Variants in TRRAP observed in about 807,000 individuals in gnomAD.
TRRAP encodes transformation/transcription domain-associated protein.
Under a neutral mutation model 438.8 loss-of-function variants are expected in TRRAP, and 41 were observed. The ratio of observed to expected loss-of-function variants is 0.09; its 90% CI spans 0.07 to 0.12. The LOEUF (loss-of-function observed/expected upper bound fraction) is 0.12, where lower values mean the gene tolerates loss of function less well. TRRAP is among the 10% of genes least tolerant of loss of function. TRRAP has a pLI of 1.00. For missense variants in TRRAP, 3,122 were observed against 5,055.1 expected, an observed-to-expected ratio of 0.62 and a Z score of 11.60; for synonymous variants, 1,994 against 1,962.9, an observed-to-expected ratio of 1.02 and a Z score of -0.42.
intron 51 of TRRAP, among the ~76,000 whole-genome samples, chr7:98,969,122 A>G (rs1244246705): frequency 2.0e-5 from 3 of 152,168 alleles, no homozygotes; most frequent in African/African-American, 7.2e-5. Context: ...GTAGTGTTCA[A>G]CCACCTCCCC....
chr7:98,946,093 A>G (rs555811203), intron 33 of TRRAP, 143 bp downstream of exon 33: 10 of 807,776 alleles, frequency 1.2e-5, no homozygotes, highest in Non-Finnish European at 1.5e-5. Context: ...TCTGTGGCAG[A>G]GTTGTATCAG....
intron 38 of TRRAP, 138 bp downstream of exon 38, chr7:98,950,400 T>C (rs1235337501): frequency 4.9e-6 from 5 of 1,020,630 alleles, no homozygotes; most frequent in Non-Finnish European, 7.0e-6. Context: ...CATGTGCCTG[T>C]AATCCCAGGT....
In TRRAP at chr7:98,921,811, T is replaced by A; in HGVS notation, c.2681T>A (p.Val894Glu). Residue 894 changes from valine to glutamate, a missense_variant, in exon 21 of 73, where the codon GTG (valine) becomes GAG (glutamate). Physicochemically the swap from Val to Glu is moderately radical, Grantham distance 121. Around this residue, in one of 24 missense-constraint regions of TRRAP, gnomAD observed 133 missense variants for 188.6 expected, o/e 0.71. Transcript: ENST00000456197. Reference protein sequence around the residue: ...ADSISHVAYRVLGKFGGSNRK... With the variant: ...ADSISHVAYRELGKFGGSNRK... ...AGCATCTCCCACGTGGCCTACCGTG[T>A]GCTCGGTAAGTTTGGCGGCAGTAAC... 6.2e-7 allele frequency: 1 copy of A among 1,614,200 alleles called. No homozygotes were observed. Among genetic ancestry groups the A allele is most frequent in the Non-Finnish European group, 8.5e-7 (1 of 1,180,040 alleles).
At position 98,886,357 on chromosome 7, in the gene TRRAP, TAGATAG is replaced by T. The variant is rs1438772100; in HGVS notation, c.151-3970_151-3965del. Among the ~76,000 whole-genome samples, 21 of 148,716 alleles carry T rather than the reference TAGATAG, an allele frequency of 1.4e-4. No individual in the cohort carries two copies. The South Asian group carries it at 2.9e-3, about 21-fold the overall frequency. On this transcript the variant is annotated intron_variant, in intron 3 of 72. Coordinates refer to ENST00000456197, the MANE Select transcript of TRRAP (RefSeq NM_001375524.1). ...ATATAGATAGATATAGATATCTATA[TAGATAG>T]AGATAGATATAGATATCTAGAGAGA...
chr7:98,947,003 T>C (rs1791111406), intron 33 of TRRAP, among the ~76,000 whole-genome samples: 1 of 152,266 alleles, frequency 6.6e-6, no homozygotes, highest in Admixed American at 6.5e-5. Context: ...ATCTCCTGCT[T>C]TGCCTTTTGG....
chr7:98,981,981 C>G lies in TRRAP; in HGVS notation c.8826+21C>G, dbSNP rs774846792. On this transcript the variant is annotated intron_variant, in intron 59 of 72. Coordinates refer to ENST00000456197, the MANE Select transcript of TRRAP (RefSeq NM_001375524.1). ...TACAGGTGCGTGCGGTGCCCCCATG[C>G]GAGCACAGGCCTGTGGCCTGTCGCA... is the stretch of plus-strand genomic sequence containing the variant. 9.1e-6 allele frequency: 14 copies of G among 1,546,484 alleles called. No homozygotes were observed. The South Asian group carries it at 1.5e-4, about 16-fold the overall frequency.
rs770092562 is a variant in TRRAP, at chr7:98,976,560, G to A, written c.8037G>A (p.Leu2679=). 3 of 1,614,006 alleles carry A rather than the reference G, an allele frequency of 1.9e-6. No homozygotes were observed. Among genetic ancestry groups the A allele is most frequent in the East Asian group, 4.5e-5 (2 of 44,886 alleles). Residue 2679 remains leucine (L), a synonymous_variant, in exon 55 of 73, where the codon CTG becomes CTA. Transcript: ENST00000456197. This position sits in a 1 kb window ranked among gnomAD's most constrained non-coding sequence, Gnocchi z 4.6. ...AGCGGGACTGCCAGCCCAGCGCGCT[G>A]AACTGCTTTGTGGAAGCCATGTCCC... is the stretch of plus-strand genomic sequence containing the variant. ...QVQRDCQPSA[L]NCFVEAMSQC... is the part of the protein sequence containing the mutation.
chr7:98,905,652 T>G (rs76171050), intron 12 of TRRAP, among the ~76,000 whole-genome samples: 2,693 of 152,310 alleles, frequency 0.018, 83 homozygotes, highest in African/African-American at 0.06. Flanking sequence ...CCGGTGGGGA[T>G]TCTGATGAGC....
chr7:98,950,119 C>G lies in TRRAP; in HGVS notation c.5191C>G (p.Arg1731Gly), dbSNP rs1554417886. ...CCAGCTGCTCCGAGCCTTTACTGGT[C>G]GTTTTCTCTGCAACATGACATTCTT... is the stretch of plus-strand genomic sequence containing the variant. ...LFQLLRAFTG[R>G]FLCNMTFLKE... Residue 1731 changes from arginine (R) to glycine (G), a missense_variant, in exon 38 of 73, where the codon CGT becomes GGT. Physicochemically the swap from Arg to Gly is moderately radical, Grantham distance 125. This residue lies in a region of TRRAP where 272 missense variants were observed against 348.5 expected (regional missense o/e 0.78). Coordinates refer to ENST00000456197, the MANE Select transcript of TRRAP (RefSeq NM_001375524.1). The G allele has an allele frequency of 1.2e-6, 2 of 1,614,190 alleles. No individual in the cohort carries two copies. Among genetic ancestry groups the G allele is most frequent in the East Asian group, 2.2e-5 (1 of 44,890 alleles).
Position 99,011,024 on chromosome 7 carries a change from G to A in TRRAP, c.10939-28G>A, listed in dbSNP as rs1794403383. ...TCCAAAAAAAATCAGTGAGTGAGAT[G>A]GGAGTGTCACGGAGCGCTGTGTTTC... On this transcript the variant is annotated intron_variant, in intron 70 of 72. Transcript: ENST00000456197. The surrounding 1 kb of genome is among the most constrained non-coding windows in gnomAD (Gnocchi z 7.1). 5 of 1,593,574 alleles carry A rather than the reference G, an allele frequency of 3.1e-6. No homozygotes were observed. In the South Asian group the frequency reaches 3.3e-5, roughly 11 times the overall value.
Position 98,950,186 on chromosome 7 carries a change from T to A in TRRAP, c.5258T>A (p.Ile1753Asn), listed in dbSNP as rs781958712. The change falls in exon 38 of 73, where the codon ATC (isoleucine) becomes AAC (asparagine). Residue 1753 changes from isoleucine (I) to asparagine (N), a missense_variant. This residue lies in a region of TRRAP where 272 missense variants were observed against 348.5 expected (regional missense o/e 0.78). Coordinates refer to ENST00000456197, the MANE Select transcript of TRRAP (RefSeq NM_001375524.1). ...MEEEIPKNYSIAQKRALFFRF... is the reference protein window; with the variant it reads ...MEEEIPKNYSNAQKRALFFRF... The stretch of plus-strand genomic sequence containing the variant: ...GAAGAGATTCCCAAAAATTACAGCA[T>A]CGCTCAGAAACGTGCCCTGTTCTTT... 1.2e-6 allele frequency: 2 copies of A among 1,614,180 alleles called. No individual in the cohort carries two copies. Among genetic ancestry groups the A allele is most frequent in the South Asian group, 1.1e-5 (1 of 91,084 alleles).
intron 14 of TRRAP, 89 bp downstream of exon 14, chr7:98,909,051 C>A (rs1351483588): frequency 1.3e-5 from 16 of 1,187,122 alleles, no homozygotes; most frequent in Non-Finnish European, 1.8e-5. Context: ...TGAGACAGAT[C>A]CTTGTTCTGT....
chr7:98,962,791 A>C (rs1220175084), intron 47 of TRRAP, among the ~76,000 whole-genome samples: 6 of 152,222 alleles, frequency 3.9e-5, no homozygotes, highest in Admixed American at 3.9e-4. Flanking sequence ...TCAGCCACTC[A>C]CAAGATGAGA....
intron 39 of TRRAP, 73 bp downstream of exon 39, chr7:98,951,077 G>GTGTA (rs1554418176): frequency 1.5e-6 from 2 of 1,307,868 alleles, no homozygotes; most frequent in Non-Finnish European, 2.0e-6. Flanking sequence ...GTGTGTGTGT[G>GTGTA]TGTGTGTGTG....
At chr7:98,899,593 A>G in intron 9 of TRRAP, 86 bp from the exon 10 acceptor site, 1 of 1,601,016 alleles carries the variant, frequency 6.2e-7, no homozygotes. Flanking sequence ...CACACATGCT[A>G]AATAATGTGA....
intron 3 of TRRAP, among the ~76,000 whole-genome samples, chr7:98,884,562 T>C (rs1554403672): frequency 6.6e-6 from 1 of 152,142 alleles, no homozygotes; most frequent in East Asian, 1.9e-4. Flanking sequence ...AGCAGGTACA[T>C]TGTGGTGAGC....
At chr7:99,000,919 T>C (rs984195814) in intron 67 of TRRAP, among the ~76,000 whole-genome samples, 4 of 152,236 alleles carry the variant, frequency 2.6e-5, no homozygotes, top group African/African-American at 9.6e-5. Context: ...CCAGCTGCCC[T>C]GCAGTGCCCA....
intron 12 of TRRAP, among the ~76,000 whole-genome samples, 177 bp from the exon 13 acceptor site, chr7:98,906,000 G>C (rs1299674617): frequency 6.6e-6 from 1 of 152,218 alleles, no homozygotes; most frequent in Non-Finnish European, 1.5e-5. Context: ...TGGCCCAGCA[G>C]AGCTGCTATG....
At chr7:98,929,966 T>G in intron 23 of TRRAP, 23 bp from the exon 24 acceptor site, 1 of 1,611,942 alleles carries the variant, frequency 6.2e-7, no homozygotes, top group South Asian at 1.1e-5. Context: ...TGTTCTCACG[T>G]GCCTTCCCAT....
Sources: gnomAD v4.1 joint callset for allele counts (sites outside exome capture counted in the v4.1 genomes callset) on GRCh38, gnomAD v4.1.1 for gene constraint, gnomAD v4.1.1 regional missense constraint, Gnocchi (gnomAD v3.1) non-coding constraint, MANE v1.5 for transcripts, NCBI Gene and HGNC (gene_info 2026-07-23, HGNC 2026-07-21) for gene names.